Variants in IGF1R observed in about 807,000 individuals in gnomAD.
IGF1R encodes the protein insulin like growth factor 1 receptor, also known as insulin-like growth factor 1 receptor.
IGF1R carries 44 observed loss-of-function variants against 144.6 expected under a neutral mutation model. That is an observed-to-expected ratio of 0.30 (90% CI 0.24 to 0.39). The LOEUF is 0.39. Ranked by LOEUF, IGF1R falls within the 10% of genes least tolerant of loss-of-function variation. The pLI is 1.00. For missense variants in IGF1R, 1,355 were observed against 1,833.7 expected (o/e 0.74, Z 4.77); for synonymous variants, 795 against 722.8 (o/e 1.10, Z -1.60).
chr15:98,651,869 C>T (rs754867553), intron 1 of IGF1R, among the ~76,000 whole-genome samples: 135 of 151,544 alleles, frequency 8.9e-4, no homozygotes, highest in Middle Eastern at 6.8e-3. Flanking sequence ...ACCTGCCCCT[C>T]CCTCCATCTC....
At chr15:98,798,430 A>C (rs1271599750) in intron 2 of IGF1R, among the ~76,000 whole-genome samples, 1 of 152,066 alleles carries the variant, frequency 6.6e-6, no homozygotes, top group African/African-American at 2.4e-5. Context: ...CTGAAAGGAG[A>C]TGGCAGAGTT....
In IGF1R at chr15:98,708,198, C is replaced by T. The variant is rs546631936; in HGVS notation, c.640+91C>T. The T allele has an allele frequency of 9.9e-5, 113 of 1,140,210 alleles. No individual in the cohort carries two copies. The African/African-American group carries it at 1.1e-3, about 11-fold the overall frequency. 70.6% of individuals were successfully genotyped at this position (1,140,210 alleles called of 1,614,324 possible). A position where few individuals can be genotyped will look rare whatever the true frequency, so the allele number is the denominator to read the frequency against. On this transcript the variant is annotated intron_variant, in intron 2 of 20. Transcript: ENST00000650285. ...CCTTCTCTTCTGAGTGCACGAGTTC[C>T]GCTGGGCAGGGTGCAGTCGTGTTGC...
At position 98,923,807 on chromosome 15, in the gene IGF1R, G is replaced by A. The variant is rs375453382; in HGVS notation, c.2486-69G>A. On this transcript the variant is annotated intron_variant, in intron 11 of 20. Transcript: ENST00000650285. ...GTGTGGATGGGGGGGTTATTCTCAGGTCAGCCCAGTGTTGGCCTCCCTCCC... is the reference window on the plus strand; with the variant it reads ...GTGTGGATGGGGGGGTTATTCTCAGATCAGCCCAGTGTTGGCCTCCCTCCC... 1.0e-4 allele frequency: 128 copies of A among 1,284,700 alleles called. 1 individual carries two copies. The East Asian group carries it at 2.8e-3, about 28-fold the overall frequency. 79.6% of individuals were successfully genotyped at this position (1,284,700 alleles called of 1,614,324 possible).
At chr15:98,752,309 C>A (rs1352005184) in intron 2 of IGF1R, among the ~76,000 whole-genome samples, 1 of 152,118 alleles carries the variant, frequency 6.6e-6, no homozygotes, top group Non-Finnish European at 1.5e-5. Context: ...ATGTGGCCAT[C>A]CTGGATAATG....
At chr15:98,873,632 C>T (rs2012902399) in intron 2 of IGF1R, 1 of 152,196 alleles carries the variant, frequency 6.6e-6, no homozygotes, top group African/African-American at 2.4e-5. Flanking sequence ...AAAGTGTTTA[C>T]ACTTCATTTT....
In IGF1R at chr15:98,812,483, A is replaced by G. The variant is rs557095457; in HGVS notation, c.641-78842A>G. On this transcript the variant is annotated intron_variant, in intron 2 of 20. Coordinates refer to ENST00000650285, the MANE Select transcript of IGF1R (RefSeq NM_000875.5). ...GCATTTGTCCTGTCTCAGCCTCCCC[A>G]GTAGCTGGGATTACAGACGCCTGCC... Among the ~76,000 whole-genome samples, 25 of 151,544 alleles carry G rather than the reference A, an allele frequency of 1.6e-4. No individual in the cohort carries two copies. In the South Asian group the frequency reaches 5.0e-3, roughly 30 times the overall value.
chr15:98,712,502 C>A (rs796724530), intron 2 of IGF1R, among the ~76,000 whole-genome samples: 4 of 152,268 alleles, frequency 2.6e-5, no homozygotes, highest in African/African-American at 9.6e-5. Flanking sequence ...AATGGAAATG[C>A]TGCTTCAGCT....
In IGF1R at chr15:98,959,867, AAG is replaced by A. The variant is rs1555468077; in HGVS notation, c.*2426_*2427del. On this transcript the variant is annotated 3_prime_UTR_variant, in exon 21 of 21. Transcript: ENST00000650285. ...GCGTGTTCCCTTTAAAAAAAAAAAA[AAG>A]GTATTATATGTAGGAGTTTTCTTTT... 1.6e-3 allele frequency: 370 copies of A among 231,806 alleles called. 3 individuals are homozygous for A. Among genetic ancestry groups the A allele is most frequent in the African/African-American group, 7.8e-3 (348 of 44,824 alleles). The allele number at this position is 231,806 out of a possible 1,614,324, so 14.4% of individuals were successfully genotyped here.
intron 2 of IGF1R, among the ~76,000 whole-genome samples, chr15:98,764,929 C>T (rs1397625219): frequency 3.9e-5 from 6 of 152,154 alleles, no homozygotes; most frequent in East Asian, 1.9e-4. Context: ...TTTGTCATGC[C>T]GCAAGGAAAG....
intron 8 of IGF1R, among the ~76,000 whole-genome samples, chr15:98,913,491 T>A (rs576649477): frequency 9.9e-5 from 15 of 152,282 alleles, no homozygotes; most frequent in African/African-American, 3.1e-4. Context: ...TCTTCCATCA[T>A]CTCCTGCTTT....
chr15:98,953,573 T>C (rs1371473673), intron 20 of IGF1R, among the ~76,000 whole-genome samples: 1 of 152,150 alleles, frequency 6.6e-6, no homozygotes, highest in Non-Finnish European at 1.5e-5. Context: ...TCCCGGCTGC[T>C]GCGGGATAAG....
At chr15:98,895,415 T>A (rs34495423) in intron 3 of IGF1R, among the ~76,000 whole-genome samples, 949 of 78,846 alleles carry the variant, frequency 0.012, 2 homozygotes, top group African/African-American at 0.019. Context: ...TAAAATAAAA[T>A]TTTTTTTTTT....
chr15:98,829,679 G>C (rs999498110), intron 2 of IGF1R, among the ~76,000 whole-genome samples: 1 of 152,196 alleles, frequency 6.6e-6, no homozygotes, highest in Non-Finnish European at 1.5e-5. Flanking sequence ...GCTGTTTGGG[G>C]ACAGTCTGTA....
chr15:98,713,244 T>C (rs1240247271), intron 2 of IGF1R, among the ~76,000 whole-genome samples: 1 of 152,118 alleles, frequency 6.6e-6, no homozygotes, highest in Non-Finnish European at 1.5e-5. Flanking sequence ...TCTGGGTGTA[T>C]CCTCCACTGT....
chr15:98,763,995 T>C (rs1374335099), intron 2 of IGF1R, among the ~76,000 whole-genome samples: 2 of 152,206 alleles, frequency 1.3e-5, no homozygotes, highest in African/African-American at 4.8e-5. Context: ...AAGTCCATGT[T>C]TTAGCTTTTC....
chr15:98,868,533 C>T lies in IGF1R; in HGVS notation c.641-22792C>T, dbSNP rs116050552. Among the ~76,000 whole-genome samples, 1,196 of 151,866 alleles carry T rather than the reference C, an allele frequency of 7.9e-3. 16 individuals are homozygous for T. The highest frequency in any genetic ancestry group is 0.027 in the African/African-American group (1,119 of 41,460). ...TAATGCTGATTTCTCCTACGAGTTA[C>T]GAGAATTACGCTAGAAAACTCTGTG... On this transcript the variant is annotated intron_variant, in intron 2 of 20. Coordinates refer to ENST00000650285, the MANE Select transcript of IGF1R (RefSeq NM_000875.5).
At chr15:98,954,937 C>T (rs1397806518) in intron 20 of IGF1R, among the ~76,000 whole-genome samples, 1 of 152,102 alleles carries the variant, frequency 6.6e-6, no homozygotes, top group African/African-American at 2.4e-5. Flanking sequence ...TCCTGGTGGC[C>T]CCAGGGTTAC....
intron 2 of IGF1R, among the ~76,000 whole-genome samples, chr15:98,832,649 AT>A (rs1462386504): frequency 6.6e-6 from 1 of 152,186 alleles, no homozygotes; most frequent in Non-Finnish European, 1.5e-5. Flanking sequence ...AGAAAAACAA[AT>A]TTAAGTTAGG....
chr15:98,711,325 C>T (rs8032477), intron 2 of IGF1R, among the ~76,000 whole-genome samples: 76,704 of 151,992 alleles, frequency 0.5, 20,565 homozygotes, highest in Non-Finnish European at 0.59. Flanking sequence ...TGGAGAAACA[C>T]GTCAAGGGTG....
Sources: gnomAD v4.1 joint callset for allele counts (sites outside exome capture counted in the v4.1 genomes callset) on GRCh38, gnomAD v4.1.1 for gene constraint, MANE v1.5 for transcripts, NCBI Gene and HGNC (gene_info 2026-07-23, HGNC 2026-07-21) for gene names.